The following DRC11 variants were observed in gnomAD, a reference collection of about 807,000 sequenced individuals.
DRC11 encodes IQ and AAA domain-containing protein 1.
the DRC11 span, among the ~76,000 whole-genome samples, chr2:236,415,585 T>C: frequency 2.6e-5 from 4 of 152,184 alleles, no homozygotes; most frequent in Non-Finnish European, 5.9e-5. The surrounding 1 kb of genome is among the most constrained non-coding windows in gnomAD (Gnocchi z 5.7). Flanking sequence ...ATAATCACAT[T>C]GTCACTATGC....
the DRC11 span, among the ~76,000 whole-genome samples, chr2:236,440,141 T>C: frequency 6.6e-6 from 1 of 152,232 alleles, no homozygotes; most frequent in East Asian, 1.9e-4. Flanking sequence ...ATGAATGTTA[T>C]GATACAAGCT....
the DRC11 span, among the ~76,000 whole-genome samples, chr2:236,410,824 G>T: frequency 6.8e-6 from 1 of 147,442 alleles, no homozygotes; most frequent in Non-Finnish European, 1.5e-5. Flanking sequence ...AAATGGTGCT[G>T]GGAAAACTGG....
At chr2:236,357,898 AAT>A in the DRC11 span, among the ~76,000 whole-genome samples, 3 of 123,572 alleles carry the variant, frequency 2.4e-5, no homozygotes, top group East Asian at 7.1e-4. Context: ...ATGTATTTAT[AAT>A]ATATAAATAT....
At chr2:236,486,937 C>A in the DRC11 span, 14 of 1,477,586 alleles carry the variant, frequency 9.5e-6, no homozygotes, top group Non-Finnish European at 1.3e-5. This position sits in a 1 kb window ranked among gnomAD's most constrained non-coding sequence, Gnocchi z 5.7. Context: ...TTAATACATA[C>A]AAATATAAAG....
the DRC11 span, chr2:236,324,852 A>C: frequency 1.0e-5 from 12 of 1,158,140 alleles, no homozygotes; most frequent in East Asian, 3.1e-4. The surrounding 1 kb of genome is among the most constrained non-coding windows in gnomAD (Gnocchi z 5.7). Context: ...CTTAAAAATA[A>C]AGAAAAGCCT....
the DRC11 span, among the ~76,000 whole-genome samples, chr2:236,409,707 C>T: frequency 6.6e-6 from 1 of 151,920 alleles, no homozygotes; most frequent in African/African-American, 2.4e-5. Flanking sequence ...GGGAATGCTT[C>T]CAGTTTTTGC....
At chr2:236,365,782 G>A in the DRC11 span, among the ~76,000 whole-genome samples, 1 of 152,130 alleles carries the variant, frequency 6.6e-6, no homozygotes, top group Non-Finnish European at 1.5e-5. The surrounding 1 kb of genome is among the most constrained non-coding windows in gnomAD (Gnocchi z 7.4). Context: ...ACCTCAGGGA[G>A]GACAAAGGTG....
chr2:236,389,064 A>G, the DRC11 span, among the ~76,000 whole-genome samples: 21 of 152,180 alleles, frequency 1.4e-4, no homozygotes, highest in African/African-American at 4.8e-4. Flanking sequence ...GCTCTCTTCA[A>G]AGCTGTCAGA....
chr2:236,418,041 G>A, the DRC11 span, among the ~76,000 whole-genome samples: 4 of 152,122 alleles, frequency 2.6e-5, no homozygotes, highest in Non-Finnish European at 4.4e-5. Flanking sequence ...GTAAACACAC[G>A]TGTGCATGTG....
At chr2:236,344,140 G>A in the DRC11 span, among the ~76,000 whole-genome samples, 1 of 152,138 alleles carries the variant, frequency 6.6e-6, no homozygotes, top group Middle Eastern at 3.2e-3. Context: ...CTCCCTGGAG[G>A]CCCGAATGTG....
chr2:236,497,286 C>A, the DRC11 span: 1 of 1,613,940 alleles, frequency 6.2e-7, no homozygotes, highest in East Asian at 2.2e-5. The surrounding 1 kb of genome is among the most constrained non-coding windows in gnomAD (Gnocchi z 5.1). Flanking sequence ...CTTTCCTGAT[C>A]AGTATTCGTT....
At chr2:236,457,592 T>C in the DRC11 span, among the ~76,000 whole-genome samples, 7 of 152,238 alleles carry the variant, frequency 4.6e-5, no homozygotes, top group Non-Finnish European at 7.3e-5. The surrounding 1 kb of genome is among the most constrained non-coding windows in gnomAD (Gnocchi z 4.7). Context: ...AGGGGTTTTG[T>C]AGGCGTGATT....
the DRC11 span, among the ~76,000 whole-genome samples, chr2:236,435,704 A>G: frequency 6.6e-6 from 1 of 152,196 alleles, no homozygotes; most frequent in Admixed American, 6.5e-5. Flanking sequence ...AACCACCCCA[A>G]TCAGGTCTCT....
chr2:236,373,302 G>C, the DRC11 span, among the ~76,000 whole-genome samples: 181 of 150,852 alleles, frequency 1.2e-3, no homozygotes, highest in African/African-American at 4.2e-3. Flanking sequence ...TGACCCCCAG[G>C]CTGCAGTGCA....
At chr2:236,360,391 T>TG in the DRC11 span, among the ~76,000 whole-genome samples, 2 of 152,248 alleles carry the variant, frequency 1.3e-5, no homozygotes, top group Non-Finnish European at 2.9e-5. The surrounding 1 kb of genome is among the most constrained non-coding windows in gnomAD (Gnocchi z 5.8). Context: ...TAGTGATGTA[T>TG]GCAACAGTCT....
the DRC11 span, among the ~76,000 whole-genome samples, chr2:236,340,444 A>G: frequency 2.4e-3 from 358 of 152,282 alleles, 2 homozygotes; most frequent in African/African-American, 8.1e-3. Context: ...TGTGAGAACA[A>G]TTTCTATAGA....
At chr2:236,471,217 C>A in the DRC11 span, among the ~76,000 whole-genome samples, 8 of 152,094 alleles carry the variant, frequency 5.3e-5, no homozygotes, top group African/African-American at 1.9e-4. The surrounding 1 kb of genome is among the most constrained non-coding windows in gnomAD (Gnocchi z 4.6). Flanking sequence ...CCTGAGGCAT[C>A]TATTTCTGGA....
chr2:236,347,508 C>CCATATATA, the DRC11 span, among the ~76,000 whole-genome samples: 7 of 107,482 alleles, frequency 6.5e-5, no homozygotes, highest in Non-Finnish European at 1.1e-4. Context: ...AAAAACTGTG[C>CCATATATA]TATATATATA....
the DRC11 span, among the ~76,000 whole-genome samples, chr2:236,336,149 T>C: frequency 2.7e-4 from 41 of 152,282 alleles, no homozygotes; most frequent in East Asian, 1.9e-3. The surrounding 1 kb of genome is among the most constrained non-coding windows in gnomAD (Gnocchi z 7.3). Context: ...CTGTATTTTG[T>C]GTATAACACT....
Sources: allele counts gnomAD v4.1 joint callset (sites outside exome capture counted in the v4.1 genomes callset), GRCh38; gene constraint gnomAD v4.1.1; non-coding constraint Gnocchi (gnomAD v3.1); transcripts MANE v1.5; gene names NCBI Gene and HGNC (gene_info 2026-07-23, HGNC 2026-07-21).